Variants in TMEM132C observed in about 807,000 individuals in gnomAD.
The protein encoded by TMEM132C is transmembrane protein 132C.
A neutral mutation model predicts 61.4 loss-of-function variants in TMEM132C; 29 were observed. That is an observed-to-expected ratio of 0.47 (90% CI 0.35 to 0.64). The LOEUF is 0.64. Among genes scored for constraint, TMEM132C ranks in the 30% least tolerant of loss-of-function variants. The pLI, the probability that TMEM132C is intolerant of heterozygous loss-of-function variation, is 0.00. For missense variants in TMEM132C, 1,408 were observed against 1,476.9 expected (o/e 0.95, Z 0.76); for synonymous variants, 656 against 633.1 (o/e 1.04, Z -0.54).
In TMEM132C at chr12:128,630,182, C is replaced by T. The variant is rs1007756506; in HGVS notation, c.1305+13847C>T. Among the ~76,000 whole-genome samples the T allele has an allele frequency of 9.9e-5, 15 of 151,968 alleles. No individual in the cohort carries two copies. The highest frequency in any genetic ancestry group is 2.7e-4 in the African/African-American group (11 of 41,352). ...CAAGGTGTCTCAGGCGGCAAGCTGG[C>T]GGCAAGCCCAGGAATCTGCATCCCT... On this transcript the variant is annotated intron_variant, in intron 4 of 8. Coordinates refer to ENST00000435159, the MANE Select transcript of TMEM132C (RefSeq NM_001136103.3). The surrounding 1 kb of genome is among the most constrained non-coding windows in gnomAD (Gnocchi z 4.3).
At chr12:128,372,269 A>C (rs1401039855) in intron 1 of TMEM132C, among the ~76,000 whole-genome samples, 5 of 152,270 alleles carry the variant, frequency 3.3e-5, no homozygotes, top group Admixed American at 3.3e-4. Context: ...CAAGATCCTT[A>C]CCTTTAAAAT....
intron 1 of TMEM132C, among the ~76,000 whole-genome samples, chr12:128,301,997 A>G (rs1479934253): frequency 6.6e-6 from 1 of 152,158 alleles, no homozygotes; most frequent in Non-Finnish European, 1.5e-5. Flanking sequence ...CGAGAACTGT[A>G]TGGGGGAAGC....
At chr12:128,645,706 T>C (rs1227936101) in intron 4 of TMEM132C, among the ~76,000 whole-genome samples, 1 of 152,234 alleles carries the variant, frequency 6.6e-6, no homozygotes, top group Non-Finnish European at 1.5e-5. Flanking sequence ...GGGGCCCCCT[T>C]TGGGCTCAGT....
intron 2 of TMEM132C, among the ~76,000 whole-genome samples, chr12:128,481,002 G>A (rs1026560607): frequency 7.9e-5 from 12 of 152,260 alleles, no homozygotes; most frequent in Middle Eastern, 3.4e-3. Flanking sequence ...CCAGCATCTC[G>A]CACGCTTCCT....
At chr12:128,612,455 G>A (rs922229820) in intron 3 of TMEM132C, among the ~76,000 whole-genome samples, 3 of 152,194 alleles carry the variant, frequency 2.0e-5, no homozygotes, top group African/African-American at 2.4e-5. Context: ...CAAGTGATGG[G>A]CATCTGAGTG....
intron 2 of TMEM132C, among the ~76,000 whole-genome samples, chr12:128,495,086 T>C (rs1236951586): frequency 7.0e-6 from 1 of 143,542 alleles, no homozygotes; most frequent in Non-Finnish European, 1.5e-5. Context: ...ATTTCTGCCT[T>C]CATTTCGTTA....
intron 1 of TMEM132C, among the ~76,000 whole-genome samples, chr12:128,360,589 C>T (rs904266937): frequency 5.9e-5 from 9 of 152,126 alleles, no homozygotes; most frequent in Non-Finnish European, 1.2e-4. Flanking sequence ...GAGGAATTGA[C>T]CCTACCCATC....
At position 128,267,376 on chromosome 12, in the gene TMEM132C, G is replaced by T; in HGVS notation, c.-27G>T. The stretch of plus-strand genomic sequence containing the variant: ...GGGCGCTGCGCTTCGGGCTGGCGGC[G>T]GGCTGCGTGAGCGGCCGGGACGCAG... On this transcript the variant is annotated 5_prime_UTR_variant, in exon 1 of 9. Transcript: ENST00000435159. The T allele has an allele frequency of 1.8e-6, 2 of 1,086,438 alleles. No individual in the cohort carries two copies. The highest frequency in any genetic ancestry group is 2.2e-6 in the Non-Finnish European group (2 of 896,138). The allele number at this position is 1,086,438 out of a possible 1,614,324, so 67.3% of individuals were successfully genotyped here.
intron 1 of TMEM132C, among the ~76,000 whole-genome samples, chr12:128,320,341 G>C (rs1872290841): frequency 6.6e-6 from 1 of 152,046 alleles, no homozygotes; most frequent in Non-Finnish European, 1.5e-5. Flanking sequence ...GACTTCCATT[G>C]ATTAGTGAGC....
chr12:128,664,259 CTTAT>C (rs1280938779), intron 4 of TMEM132C, among the ~76,000 whole-genome samples: 3 of 104,838 alleles, frequency 2.9e-5, no homozygotes, highest in Admixed American at 8.4e-5. Flanking sequence ...ATTCCATGTT[CTTAT>C]TTATTTAAAA....
intron 1 of TMEM132C, among the ~76,000 whole-genome samples, chr12:128,344,680 G>A (rs1356737063): frequency 6.6e-6 from 1 of 152,138 alleles, no homozygotes; most frequent in Non-Finnish European, 1.5e-5. Flanking sequence ...TTGCAGTGGT[G>A]TCTCATTGTA....
chr12:128,402,361 C>G (rs1270674879), intron 1 of TMEM132C, among the ~76,000 whole-genome samples: 1 of 152,074 alleles, frequency 6.6e-6, no homozygotes, highest in Non-Finnish European at 1.5e-5. Context: ...AGCCCAGTAT[C>G]CATTAGTAAC....
Position 128,334,618 on chromosome 12 carries a change from C to T in TMEM132C, c.85+67131C>T, listed in dbSNP as rs149054662. 8.7e-3 allele frequency among the ~76,000 whole-genome samples: 1,265 copies of T among 146,092 alleles called. 9 individuals are homozygous for T. Among genetic ancestry groups the T allele is most frequent in the Non-Finnish European group, 0.014 (916 of 67,064 alleles). The stretch of plus-strand genomic sequence containing the variant: ...ACTTTCCTTTTTTTTTTTTTTGAGA[C>T]GGTGTCTTGCTCTGTCACCCAGGCT... On this transcript the variant is annotated intron_variant, in intron 1 of 8. Coordinates refer to ENST00000435159, the MANE Select transcript of TMEM132C (RefSeq NM_001136103.3).
rs1214328025 is a variant in TMEM132C at position 128,359,392 on chromosome 12, A to C, written c.86-55340A>C. Among the ~76,000 whole-genome samples, 3 of 152,114 alleles carry C rather than the reference A, an allele frequency of 2.0e-5. No individual in the cohort carries two copies. In the East Asian group the frequency reaches 5.8e-4, roughly 29 times the overall value. ...CTGGCAAGACTTATTCACTACCATG[A>C]GACCAGCATGGGGGAAACTGCCTCC... On this transcript the variant is annotated intron_variant, in intron 1 of 8. Transcript: ENST00000435159.
At chr12:128,666,939 C>G (rs982423773) in intron 4 of TMEM132C, among the ~76,000 whole-genome samples, 2 of 151,476 alleles carry the variant, frequency 1.3e-5, no homozygotes, top group Non-Finnish European at 3.0e-5. Context: ...GCGTGGTGGC[C>G]GGTGCCTGTA....
rs767224820 is a variant in TMEM132C, at chr12:128,415,300, G to C, written c.654G>C (p.Met218Ile). The C allele has an allele frequency of 3.3e-5, 53 of 1,595,102 alleles. No individual in the cohort carries two copies. Among genetic ancestry groups the C allele is most frequent in the Non-Finnish European group, 4.3e-5 (50 of 1,170,518 alleles). The change falls in exon 2 of 9, where the codon ATG becomes ATC. Residue 218 changes from methionine to isoleucine, a missense_variant. Transcript: ENST00000435159. The surrounding 1 kb of genome is among the most constrained non-coding windows in gnomAD (Gnocchi z 5.8). ...PTVGAGRKKS[M>I]DQPEGTPVEL... ...TGGGTGCCGGGAGGAAGAAGTCCATGGACCAGCCGGAGGGGACCCCTGTGG... is the reference window on the plus strand; with the variant it reads ...TGGGTGCCGGGAGGAAGAAGTCCATCGACCAGCCGGAGGGGACCCCTGTGG...
intron 2 of TMEM132C, among the ~76,000 whole-genome samples, chr12:128,495,784 C>G (rs1209248698): frequency 6.6e-6 from 1 of 152,014 alleles, no homozygotes; most frequent in Non-Finnish European, 1.5e-5. Context: ...GACTCTTTAT[C>G]CAATTTGCCA....
At chr12:128,598,226 G>C (rs1876040623) in intron 3 of TMEM132C, among the ~76,000 whole-genome samples, 1 of 152,112 alleles carries the variant, frequency 6.6e-6, no homozygotes, top group Admixed American at 6.6e-5. Context: ...AGACCAGCCT[G>C]GCCAACATGG....
intron 2 of TMEM132C, among the ~76,000 whole-genome samples, chr12:128,491,708 C>T (rs1871729899): frequency 6.6e-6 from 1 of 152,090 alleles, no homozygotes; most frequent in South Asian, 2.1e-4. Flanking sequence ...TCTTTGGCTA[C>T]CGCTCCTTGG....
Sources: allele counts gnomAD v4.1 joint callset (sites outside exome capture counted in the v4.1 genomes callset), GRCh38; gene constraint gnomAD v4.1.1; non-coding constraint Gnocchi (gnomAD v3.1); transcripts MANE v1.5; gene names NCBI Gene and HGNC (gene_info 2026-07-23, HGNC 2026-07-21).